Variants in CNTN4 observed in about 807,000 individuals in gnomAD.
CNTN4 encodes contactin-4.
In CNTN4, 77 loss-of-function variants were observed where a neutral mutation model predicts 122.5. That is an observed-to-expected ratio of 0.63 (90% CI 0.52 to 0.76). The LOEUF is 0.76. Among genes scored for constraint, CNTN4 ranks in the 30% least tolerant of loss-of-function variants. The probability of loss-of-function intolerance (pLI) is 0.00; values close to 1 mark genes in which losing one functional copy is unlikely to be tolerated. For missense variants in CNTN4, 1,256 were observed against 1,259.1 expected (o/e 1.00, Z 0.04); for synonymous variants, 512 against 447.0 (o/e 1.15, Z -1.83).
chr3:2,453,461 C>G (rs573228409), intron 3 of CNTN4, among the ~76,000 whole-genome samples: 121 of 152,224 alleles, frequency 7.9e-4, no homozygotes, highest in Non-Finnish European at 1.5e-3. Flanking sequence ...CTTTCACCAA[C>G]ATAAAACCTC....
chr3:2,500,706 T>C (rs554573810), intron 3 of CNTN4, among the ~76,000 whole-genome samples: 1 of 152,268 alleles, frequency 6.6e-6, no homozygotes, highest in South Asian at 2.1e-4. Context: ...ATATAATTCA[T>C]TCTTAAACAG....
At chr3:2,873,423 AG>A (rs2093808330) in intron 8 of CNTN4, among the ~76,000 whole-genome samples, 1 of 152,236 alleles carries the variant, frequency 6.6e-6, no homozygotes, top group Non-Finnish European at 1.5e-5. Flanking sequence ...TTCAGGCCAC[AG>A]TGCGCCATTT....
At chr3:2,867,073 G>A in intron 8 of CNTN4, 124 bp downstream of exon 8, 1 of 853,436 alleles carries the variant, frequency 1.2e-6, no homozygotes, top group Non-Finnish European at 1.9e-6. Context: ...GTTTACTGCA[G>A]CCTATATTTG....
At chr3:2,254,051 C>A (rs2040481230) in intron 2 of CNTN4, among the ~76,000 whole-genome samples, 1 of 150,048 alleles carries the variant, frequency 6.7e-6, no homozygotes, top group East Asian at 2.0e-4. Context: ...CCCCCCACCC[C>A]CCTACAGGCC....
chr3:2,787,315 G>A (rs527294789), intron 6 of CNTN4, among the ~76,000 whole-genome samples: 1 of 151,360 alleles, frequency 6.6e-6, no homozygotes, highest in South Asian at 2.1e-4. Flanking sequence ...GGTGGAGGTT[G>A]CAGTGAGCCG....
chr3:2,973,983 G>C (rs916902217), intron 13 of CNTN4, among the ~76,000 whole-genome samples: 1 of 152,122 alleles, frequency 6.6e-6, no homozygotes, highest in African/African-American at 2.4e-5. Context: ...ATCTTGGATG[G>C]TACACAGTAT....
intron 2 of CNTN4, among the ~76,000 whole-genome samples, chr3:2,272,382 C>T (rs1240732683): frequency 1.3e-5 from 2 of 152,068 alleles, no homozygotes; most frequent in Admixed American, 6.6e-5. Context: ...ATAATATCTA[C>T]CTGTTTTCAC....
chr3:2,881,444 C>T (rs954876311), intron 8 of CNTN4, among the ~76,000 whole-genome samples: 15 of 149,800 alleles, frequency 1.0e-4, no homozygotes, highest in Non-Finnish European at 2.2e-4. Flanking sequence ...ACCCGGGAGG[C>T]GGAGGTTGCA....
At chr3:2,988,223 C>A in intron 13 of CNTN4, 122 bp from the exon 14 acceptor site, 1 of 935,750 alleles carries the variant, frequency 1.1e-6, no homozygotes, top group Non-Finnish European at 1.7e-6. Context: ...AGGCTGTCAT[C>A]TTTACTACAA....
chr3:2,478,702 C>T (rs984016737), intron 3 of CNTN4, among the ~76,000 whole-genome samples: 8 of 152,058 alleles, frequency 5.3e-5, no homozygotes, highest in Non-Finnish European at 7.4e-5. Context: ...TCTGTTCCTG[C>T]GTTAGTTTGC....
chr3:2,698,463 G>C (rs1031330630), intron 4 of CNTN4, among the ~76,000 whole-genome samples: 3 of 152,158 alleles, frequency 2.0e-5, no homozygotes, highest in Admixed American at 6.5e-5. Flanking sequence ...CTAGAGCTCA[G>C]AGTGACCACA....
chr3:3,026,803 C>T (rs1489413798), intron 15 of CNTN4, among the ~76,000 whole-genome samples: 1 of 152,096 alleles, frequency 6.6e-6, no homozygotes, highest in African/African-American at 2.4e-5. Context: ...AATTTGAATT[C>T]AAAATGATTG....
chr3:2,476,646 A>T (rs927887782), intron 3 of CNTN4, among the ~76,000 whole-genome samples: 7 of 152,168 alleles, frequency 4.6e-5, no homozygotes, highest in Non-Finnish European at 7.3e-5. Context: ...GTTGCCTGGG[A>T]CTATAGATGT....
At chr3:3,035,952 A>G (rs560140662) in intron 17 of CNTN4, among the ~76,000 whole-genome samples, 1 of 151,930 alleles carries the variant, frequency 6.6e-6, no homozygotes, top group South Asian at 2.1e-4. Flanking sequence ...CATTGTTAGC[A>G]GCAACACTTC....
At chr3:2,524,751 A>G (rs1355302394) in intron 3 of CNTN4, among the ~76,000 whole-genome samples, 1 of 152,198 alleles carries the variant, frequency 6.6e-6, no homozygotes, top group East Asian at 1.9e-4. Flanking sequence ...AATACTAGGC[A>G]GGAAGTTAAA....
chr3:2,202,243 G>T (rs1418613979), intron 2 of CNTN4, among the ~76,000 whole-genome samples: 1 of 152,164 alleles, frequency 6.6e-6, no homozygotes, highest in Non-Finnish European at 1.5e-5. Flanking sequence ...GAGAAAAAGT[G>T]TGTATTTTCA....
intron 2 of CNTN4, among the ~76,000 whole-genome samples, chr3:2,314,105 A>G (rs930668172): frequency 6.6e-6 from 1 of 152,014 alleles, no homozygotes; most frequent in Non-Finnish European, 1.5e-5. Flanking sequence ...AAAATTGATA[A>G]CAACAAAGTA....
At chr3:2,351,580 C>T (rs1384803256) in intron 3 of CNTN4, among the ~76,000 whole-genome samples, 1 of 152,150 alleles carries the variant, frequency 6.6e-6, no homozygotes, top group South Asian at 2.1e-4. Context: ...GAGGTAGATA[C>T]ATTCCCCGTG....
intron 2 of CNTN4, among the ~76,000 whole-genome samples, chr3:2,234,866 C>G (rs984316183): frequency 3.3e-5 from 5 of 152,240 alleles, no homozygotes; most frequent in Non-Finnish European, 7.4e-5. Context: ...TTCTCACTCA[C>G]AAAAGATTCA....
Sources: gnomAD v4.1 joint callset for allele counts (sites outside exome capture counted in the v4.1 genomes callset) on GRCh38, gnomAD v4.1.1 for gene constraint, MANE v1.5 for transcripts, NCBI Gene and HGNC (gene_info 2026-07-23, HGNC 2026-07-21) for gene names.